PEAK1: variants seen among roughly 807,000 people sequenced by gnomAD.
The protein encoded by PEAK1 is inactive tyrosine-protein kinase PEAK1.
Under a neutral mutation model 124.7 loss-of-function variants are expected in PEAK1, and 54 were observed. That is an observed-to-expected ratio of 0.43 (90% CI 0.35 to 0.54). PEAK1 has a LOEUF of 0.54. Ranked by LOEUF, PEAK1 falls within the 20% of genes least tolerant of loss-of-function variation. PEAK1 has a pLI of 0.01. For missense variants in PEAK1, 2,046 were observed against 2,134.5 expected, an observed-to-expected ratio of 0.96 and a Z score of 0.82; for synonymous variants, 719 against 760.0, an observed-to-expected ratio of 0.95 and a Z score of 0.89.
At chr15:77,137,195 C>T (rs1001045328) in intron 8 of PEAK1, among the ~76,000 whole-genome samples, 1 of 152,186 alleles carries the variant, frequency 6.6e-6, no homozygotes, top group Non-Finnish European at 1.5e-5. Context: ...CTGCAGGGGT[C>T]GGGCCCTCAT....
intron 1 of PEAK1, among the ~76,000 whole-genome samples, chr15:77,391,333 A>G (rs2070429708): frequency 6.6e-6 from 1 of 152,146 alleles, no homozygotes; most frequent in Admixed American, 6.5e-5. Context: ...GCAAGCTGCT[A>G]TATACCAGAC....
At chr15:77,228,065 CACTT>C (rs1265681926) in intron 6 of PEAK1, among the ~76,000 whole-genome samples, 2 of 151,886 alleles carry the variant, frequency 1.3e-5, no homozygotes, top group Non-Finnish European at 2.9e-5. Flanking sequence ...ATTTGTTGGA[CACTT>C]ACAACATATA....
intron 2 of PEAK1, among the ~76,000 whole-genome samples, chr15:77,313,773 G>T (rs1452965258): frequency 2.1e-5 from 3 of 144,396 alleles, no homozygotes; most frequent in African/African-American, 7.7e-5. Context: ...GTAGAGATGG[G>T]ATTTCTCCAT....
chr15:77,319,611 G>C (rs930208089), intron 2 of PEAK1, among the ~76,000 whole-genome samples: 1 of 152,132 alleles, frequency 6.6e-6, no homozygotes, highest in Non-Finnish European at 1.5e-5. Context: ...GTTCTCTGAA[G>C]TGTTTTACTT....
chr15:77,194,695 T>A (rs1444623444), intron 6 of PEAK1, among the ~76,000 whole-genome samples: 3 of 152,158 alleles, frequency 2.0e-5, no homozygotes, highest in Non-Finnish European at 2.9e-5. Context: ...GTATGTTTCT[T>A]GAACAGATGA....
Position 77,133,753 on chromosome 15 carries a change from G to A in PEAK1, c.3332-3C>T, listed in dbSNP as rs1248453221. On this transcript the variant is annotated splice_polypyrimidine_tract_variant and splice_region_variant and intron_variant, in intron 8 of 9. Coordinates refer to ENST00000682557, the MANE Select transcript of PEAK1 (RefSeq NM_001385026.1). The surrounding 1 kb of genome is among the most constrained non-coding windows in gnomAD (Gnocchi z 4.2). ...TATCATGGCTGCTCTAGATTGCCCT[G>A]TATTGTTTTTAAAGCAATAAAAAGA... is the stretch of plus-strand genomic sequence containing the variant. The A allele has an allele frequency of 6.4e-7, 1 of 1,552,468 alleles. No homozygotes were observed. The highest frequency in any genetic ancestry group is 2.2e-5 in the Admixed American group (1 of 46,106).
chr15:77,153,772 A>C (rs1162080863), intron 8 of PEAK1, among the ~76,000 whole-genome samples: 1 of 152,154 alleles, frequency 6.6e-6, no homozygotes, highest in East Asian at 1.9e-4. Context: ...CAGGTTGTTC[A>C]GTTTCCATGC....
At chr15:77,403,886 A>G (rs1004335973) in intron 1 of PEAK1, 2 of 984,750 alleles carry the variant, frequency 2.0e-6, no homozygotes, top group Non-Finnish European at 2.4e-6. Context: ...TTCATTTTAG[A>G]AACAGAATGA....
chr15:77,303,685 T>C (rs761850129), intron 2 of PEAK1, among the ~76,000 whole-genome samples: 3 of 152,214 alleles, frequency 2.0e-5, no homozygotes, highest in Non-Finnish European at 2.9e-5. Context: ...TCTCCCCATT[T>C]ATAGCTTGTC....
exon 7 of PEAK1, chr15:77,102,794 C>G (rs1025143862): frequency 6.6e-6 from 1 of 152,020 alleles, no homozygotes; most frequent in African/African-American, 2.4e-5. Flanking sequence ...TTTTCATATG[C>G]TCAATTATGC....
intron 7 of PEAK1, among the ~76,000 whole-genome samples, chr15:77,174,595 G>A (rs575510353): frequency 1.3e-5 from 2 of 152,248 alleles, no homozygotes; most frequent in South Asian, 2.1e-4. Flanking sequence ...AAAAGCTACT[G>A]AATACCTCTT....
At chr15:77,389,754 G>A (rs1427101431) in intron 1 of PEAK1, among the ~76,000 whole-genome samples, 1 of 152,066 alleles carries the variant, frequency 6.6e-6, no homozygotes, top group Non-Finnish European at 1.5e-5. Flanking sequence ...ATACAAACAC[G>A]GGAAAGCCAA....
chr15:77,134,809 C>G (rs1388305585), intron 8 of PEAK1, among the ~76,000 whole-genome samples: 1 of 152,148 alleles, frequency 6.6e-6, no homozygotes, highest in Non-Finnish European at 1.5e-5. Flanking sequence ...TGTTGAAGTG[C>G]TAACCCCTGG....
At chr15:77,313,648 A>ATGTGTGTGTGTGTGTGTGTG (rs1220086755) in intron 2 of PEAK1, among the ~76,000 whole-genome samples, 30 of 87,618 alleles carry the variant, frequency 3.4e-4, no homozygotes, top group Admixed American at 7.3e-4. Context: ...GTATGTATGT[A>ATGTGTGTGTGTGTGTGTGTG]TGTATGTGTG....
At chr15:77,361,901 G>C (rs1179863195) in intron 2 of PEAK1, among the ~76,000 whole-genome samples, 1 of 143,572 alleles carries the variant, frequency 7.0e-6, no homozygotes, top group Non-Finnish European at 1.5e-5. Flanking sequence ...TAGTCATGAA[G>C]AAAAAAAAAA....
At chr15:77,210,406 A>C (rs1382416286) in intron 6 of PEAK1, among the ~76,000 whole-genome samples, 1 of 152,190 alleles carries the variant, frequency 6.6e-6, no homozygotes, top group Non-Finnish European at 1.5e-5. Context: ...CAGCATTTTA[A>C]ATCCAGTAAA....
chr15:77,146,933 G>A (rs181676358), intron 8 of PEAK1, among the ~76,000 whole-genome samples: 136 of 152,232 alleles, frequency 8.9e-4, no homozygotes, highest in Admixed American at 3.3e-3. Flanking sequence ...TATCCACCCC[G>A]TAAAATTTAA....
intron 6 of PEAK1, among the ~76,000 whole-genome samples, chr15:77,234,478 C>T (rs971562074): frequency 5.9e-5 from 9 of 151,972 alleles, no homozygotes; most frequent in Non-Finnish European, 1.5e-5. Context: ...ATAAAGCATG[C>T]TTCCATGAAA....
intron 5 of PEAK1, among the ~76,000 whole-genome samples, chr15:77,279,734 T>C (rs1184772401): frequency 1.3e-5 from 2 of 152,080 alleles, no homozygotes; most frequent in Non-Finnish European, 2.9e-5. Context: ...AAGAAGGGAG[T>C]TTGAAAGTTG....
Sources: gnomAD v4.1 joint callset for allele counts (sites outside exome capture counted in the v4.1 genomes callset) on GRCh38, gnomAD v4.1.1 for gene constraint, Gnocchi (gnomAD v3.1) non-coding constraint, MANE v1.5 for transcripts, NCBI Gene and HGNC (gene_info 2026-07-23, HGNC 2026-07-21) for gene names.